The following NCOA2 variants were observed in gnomAD, a reference collection of about 807,000 sequenced individuals.
NCOA2 encodes class E basic helix-loop-helix protein 75.
A neutral mutation model predicts 145.1 loss-of-function variants in NCOA2; 21 were observed. The ratio of observed to expected loss-of-function variants is 0.14; its 90% CI spans 0.10 to 0.21. The LOEUF (loss-of-function observed/expected upper bound fraction) is 0.21, where lower values mean the gene tolerates loss of function less well. Ranked by LOEUF, NCOA2 falls within the 10% of genes least tolerant of loss-of-function variation. The probability of loss-of-function intolerance (pLI) is 1.00; values close to 1 mark genes in which losing one functional copy is unlikely to be tolerated. For synonymous variants in NCOA2, 619 were observed against 637.5 expected, an observed-to-expected ratio of 0.97 and a Z score of 0.44; for missense variants, 1,472 against 1,837.6, an observed-to-expected ratio of 0.80 and a Z score of 3.64.
intron 4 of NCOA2, among the ~76,000 whole-genome samples, chr8:70,209,969 T>C (rs1449078778): frequency 1.3e-5 from 2 of 152,218 alleles, no homozygotes; most frequent in Non-Finnish European, 2.9e-5. Context: ...TGCTATCTGT[T>C]TCCATGACTC....
intron 2 of NCOA2, among the ~76,000 whole-genome samples, chr8:70,222,023 G>A (rs1216830986): frequency 6.6e-6 from 1 of 151,770 alleles, no homozygotes; most frequent in Non-Finnish European, 1.5e-5. Context: ...ATACTGTAGT[G>A]CTTCTTGGTT....
intron 1 of NCOA2, among the ~76,000 whole-genome samples, chr8:70,338,133 A>G (rs1486001687): frequency 6.6e-6 from 1 of 152,168 alleles, no homozygotes; most frequent in African/African-American, 2.4e-5. Context: ...ACCCTTAAAA[A>G]AAAATCAACC....
At chr8:70,149,132 T>C (rs1811455724) in intron 11 of NCOA2, among the ~76,000 whole-genome samples, 1 of 151,950 alleles carries the variant, frequency 6.6e-6, no homozygotes. Flanking sequence ...TTCCCAGTCT[T>C]TTGCCAGCTT....
chr8:70,268,710 T>C (rs922199264), intron 2 of NCOA2, among the ~76,000 whole-genome samples: 2 of 151,980 alleles, frequency 1.3e-5, no homozygotes, highest in African/African-American at 4.9e-5. Context: ...CGGGTTTTTA[T>C]TAATATTAAA....
intron 1 of NCOA2, among the ~76,000 whole-genome samples, chr8:70,371,345 C>T (rs1417252192): frequency 6.6e-6 from 1 of 151,546 alleles, no homozygotes; most frequent in Non-Finnish European, 1.5e-5. Context: ...AAACGTACAC[C>T]TGAAAATGGT....
At chr8:70,176,189 A>G (rs1814822972) in intron 4 of NCOA2, among the ~76,000 whole-genome samples, 1 of 152,230 alleles carries the variant, frequency 6.6e-6, no homozygotes, top group African/African-American at 2.4e-5. Context: ...TAATACTAGC[A>G]TATCTGTATT....
chr8:70,446,737 A>G, the NCOA2 span, among the ~76,000 whole-genome samples: 1 of 152,146 alleles, frequency 6.6e-6, no homozygotes, highest in African/African-American at 2.4e-5. Context: ...ATTTTTCTGA[A>G]AGAAATGGTT....
intron 4 of NCOA2, among the ~76,000 whole-genome samples, chr8:70,209,646 G>GATTAGAACAAGCAAAA (rs1818811797): frequency 3.9e-5 from 6 of 152,210 alleles, no homozygotes; most frequent in African/African-American, 1.4e-4. Flanking sequence ...CACCAGCAAA[G>GATTAGAACAAGCAAAA]AGATTAGAAC....
chr8:70,243,161 A>G (rs996837311), intron 2 of NCOA2, among the ~76,000 whole-genome samples: 1 of 152,134 alleles, frequency 6.6e-6, no homozygotes, highest in Admixed American at 6.6e-5. Context: ...GTCCTAGGGG[A>G]AAAACAAAAC....
chr8:70,447,924 A>G, the NCOA2 span, among the ~76,000 whole-genome samples: 2 of 151,958 alleles, frequency 1.3e-5, no homozygotes, highest in Non-Finnish European at 2.9e-5. Context: ...GGCTCAAGCC[A>G]TCCTCCTGCT....
chr8:70,385,960 G>T lies in NCOA2; in HGVS notation c.-77+17740C>A, dbSNP rs966317631. On this transcript the variant is annotated intron_variant, in intron 1 of 22. Transcript: ENST00000452400. The stretch of plus-strand genomic sequence containing the variant: ...ACACACATTAGTTACTTTAGTGCAC[G>T]GTTTTCTTCTCTTTCTGCTATTGAG... 2.6e-5 allele frequency among the ~76,000 whole-genome samples: 4 copies of T among 152,098 alleles called. 1 individual carries two copies. The highest frequency in any genetic ancestry group is 9.7e-5 in the African/African-American group (4 of 41,416).
chr8:70,220,174 G>A (rs1820019287), intron 2 of NCOA2, among the ~76,000 whole-genome samples: 1 of 152,094 alleles, frequency 6.6e-6, no homozygotes, highest in Admixed American at 6.5e-5. Flanking sequence ...CAGCACTGAA[G>A]GTTCTAAAAT....
intron 2 of NCOA2, among the ~76,000 whole-genome samples, chr8:70,286,223 G>A (rs1385429287): frequency 6.6e-6 from 1 of 151,970 alleles, no homozygotes; most frequent in East Asian, 1.9e-4. Flanking sequence ...GATCAGCCTG[G>A]GCAACATAAC....
chr8:70,328,307 G>T (rs1047536839), intron 1 of NCOA2, among the ~76,000 whole-genome samples: 7 of 152,118 alleles, frequency 4.6e-5, no homozygotes, highest in Non-Finnish European at 7.4e-5. Context: ...GAAAGAAACC[G>T]ATTATTTTTC....
intron 2 of NCOA2, among the ~76,000 whole-genome samples, chr8:70,225,642 G>A (rs903080080): frequency 9.9e-5 from 15 of 152,032 alleles, no homozygotes; most frequent in African/African-American, 3.6e-4. Context: ...AATGTAGATG[G>A]GGTGAGGGAT....
At chr8:70,279,561 CCT>C (rs761271803) in intron 2 of NCOA2, among the ~76,000 whole-genome samples, 6 of 152,210 alleles carry the variant, frequency 3.9e-5, no homozygotes, top group South Asian at 2.1e-4. Context: ...GCAACCCTCC[CCT>C]GTCAGGTCAC....
At chr8:70,129,038 A>C in intron 16 of NCOA2, 58 bp from the exon 17 acceptor site, 3 of 1,480,322 alleles carry the variant, frequency 2.0e-6, no homozygotes, top group Middle Eastern at 1.7e-4. Context: ...CAGCAGAGTC[A>C]ATATAAGGCT....
chr8:70,285,691 C>CTATA (rs1826185634), intron 2 of NCOA2, among the ~76,000 whole-genome samples: 1 of 152,178 alleles, frequency 6.6e-6, no homozygotes, highest in African/African-American at 2.4e-5. Context: ...GTGGGTAGGA[C>CTATA]TATATATATT....
At chr8:70,203,686 G>A (rs1023075306) in intron 4 of NCOA2, among the ~76,000 whole-genome samples, 4 of 152,062 alleles carry the variant, frequency 2.6e-5, no homozygotes, top group African/African-American at 9.7e-5. Flanking sequence ...TATATCTTTT[G>A]TTTATTTCTA....
Sources: allele counts gnomAD v4.1 joint callset (sites outside exome capture counted in the v4.1 genomes callset), GRCh38; gene constraint gnomAD v4.1.1; transcripts MANE v1.5; gene names NCBI Gene and HGNC (gene_info 2026-07-23, HGNC 2026-07-21).